Variants in APH1B observed in about 807,000 individuals in gnomAD.
APH1B encodes aph-1B gamma-secretase subunit.
APH1B carries 27 observed loss-of-function variants against 28.2 expected under a neutral mutation model. That is an observed-to-expected ratio of 0.96 (90% CI 0.70 to 1.32). APH1B has a LOEUF of 1.32. APH1B is among the 40% of genes most tolerant of loss of function. The pLI is 0.00. For synonymous variants in APH1B, 141 were observed against 124.6 expected (o/e 1.13, Z -0.88); for missense variants, 305 against 313.6 (o/e 0.97, Z 0.21).
At position 63,302,218 on chromosome 15, in the gene APH1B, T is replaced by G. The variant is rs1007850354; in HGVS notation, c.479-127T>G. The G allele has an allele frequency of 3.5e-6, 4 of 1,153,234 alleles. No individual in the cohort carries two copies. The African/African-American group carries it at 6.3e-5, about 18-fold the overall frequency. The allele number at this position is 1,153,234 out of a possible 1,614,324, so 71.4% of individuals were successfully genotyped here. A position where few individuals can be genotyped will look rare whatever the true frequency, so the allele number is the denominator to read the frequency against. On this transcript the variant is annotated intron_variant, in intron 4 of 5. Coordinates refer to ENST00000261879, the MANE Select transcript of APH1B (RefSeq NM_031301.4). Reference sequence around the variant, plus strand: ...TTTTTGAGTGTGTCAAGGCCCTGTTTCTGTCAGGTGGTGTTAAACTCTCTT... The same window carrying G: ...TTTTTGAGTGTGTCAAGGCCCTGTTGCTGTCAGGTGGTGTTAAACTCTCTT...
chr15:63,282,524 C>T (rs528763227), intron 2 of APH1B, among the ~76,000 whole-genome samples: 1 of 152,236 alleles, frequency 6.6e-6, no homozygotes, highest in African/African-American at 2.4e-5. Flanking sequence ...GCCCTTTCTG[C>T]AGTAATTTTT....
intron 5 of APH1B, 120 bp from the exon 6 acceptor site, chr15:63,305,494 C>G: frequency 8.7e-7 from 1 of 1,144,668 alleles, no homozygotes; most frequent in South Asian, 1.5e-5. Flanking sequence ...ACACATCATA[C>G]GTTTGGTGAA....
intron 1 of APH1B, 185 bp downstream of exon 1, chr15:63,277,921 A>C: frequency 1.6e-6 from 1 of 608,816 alleles, no homozygotes; most frequent in Non-Finnish European, 2.8e-6. Context: ...GAAGAAGCGC[A>C]CACTGGGGGT....
In APH1B at chr15:63,279,164, T is replaced by G. The variant is rs1787397530; in HGVS notation, c.117T>G (p.Ala39=). ...PLRIIFLIAG[A]FFWLVSLLIS... is the part of the protein sequence containing the mutation. Reference sequence around the variant, plus strand: ...CTTTTTTTCCCGTATTTTTCAGAGCTTTCTTCTGGTTGGTGTCTCTACTGA... The same window carrying G: ...CTTTTTTTCCCGTATTTTTCAGAGCGTTCTTCTGGTTGGTGTCTCTACTGA... The change falls in exon 2 of 6, where the codon GCT becomes GCG. Residue 39 remains alanine (A), a synonymous_variant. Coordinates refer to ENST00000261879, the MANE Select transcript of APH1B (RefSeq NM_031301.4). 1.3e-6 allele frequency: 2 copies of G among 1,588,540 alleles called. No homozygotes were observed. The highest frequency in any genetic ancestry group is 1.1e-5 in the South Asian group (1 of 88,886).
intron 5 of APH1B, among the ~76,000 whole-genome samples, chr15:63,303,873 C>CA (rs397854501): frequency 2.8e-5 from 1 of 35,106 alleles, no homozygotes; most frequent in Non-Finnish European, 7.0e-5. Context: ...CACACACACA[C>CA]AACACACACA....
intron 4 of APH1B, among the ~76,000 whole-genome samples, chr15:63,301,582 C>A (rs550143081): frequency 6.6e-6 from 1 of 151,848 alleles, no homozygotes; most frequent in Non-Finnish European, 1.5e-5. Flanking sequence ...AAATATTTTT[C>A]TTTTCTTTCT....
intron 4 of APH1B, among the ~76,000 whole-genome samples, chr15:63,301,627 G>A (rs2038628862): frequency 1.3e-5 from 2 of 151,776 alleles, no homozygotes; most frequent in Admixed American, 6.6e-5. Context: ...TGTTGCCGAG[G>A]CTGGAGTACA....
chr15:63,277,714 C>T lies in APH1B; in HGVS notation c.91C>T (p.Arg31Cys), dbSNP rs756180511. ...CTTCACCATCGCCACCGAGCCGTTG[C>T]GTATCATCTTCCTCATCGCCGGGTG... ...YVFTIATEPL[R>C]IIFLIAGAFF... The change falls in exon 1 of 6, where the codon CGT (arginine) becomes TGT (cysteine). Residue 31 changes from arginine (R) to cysteine (C), a missense_variant. By Grantham distance (180) the Arg-to-Cys change is radical. Transcript: ENST00000261879. The T allele has an allele frequency of 1.9e-6, 3 of 1,611,142 alleles. No individual in the cohort carries two copies. Among genetic ancestry groups the T allele is most frequent in the Admixed American group, 1.7e-5 (1 of 59,678 alleles).
intron 5 of APH1B, among the ~76,000 whole-genome samples, chr15:63,303,677 T>C (rs1022530121): frequency 6.6e-6 from 1 of 152,108 alleles, no homozygotes; most frequent in Admixed American, 6.5e-5. Flanking sequence ...TAAATTTTTT[T>C]GTAGAGATGA....
chr15:63,305,574 T>G (rs776012469), intron 5 of APH1B, 40 bp from the exon 6 acceptor site: 16 of 1,602,882 alleles, frequency 1.0e-5, no homozygotes, highest in Non-Finnish European at 1.4e-5. Context: ...TTTAATAAGC[T>G]TGCTGTTATT....
At chr15:63,278,179 C>T in intron 1 of APH1B, 2 of 396,568 alleles carry the variant, frequency 5.0e-6, no homozygotes, top group Middle Eastern at 4.5e-4. Flanking sequence ...TAAAACATGC[C>T]GATGCCCACC....
Position 63,305,724 on chromosome 15 carries a change from ACT to A in APH1B, c.720_721del (p.Cys241ProfsTer32), listed in dbSNP as rs762262533. ...AAGGSCRSLK[L>X]CLLCQDKNFL... ...CGGGAGGCAGCTGCCGAAGCCTGAA[ACT>A]CTGCCTGCTCTGCCAAGACAAGAAC... On this transcript the variant is annotated frameshift_variant, in exon 6 of 6. Coordinates refer to ENST00000261879, the MANE Select transcript of APH1B (RefSeq NM_031301.4). LOFTEE classifies it high-confidence loss of function. 7.4e-6 allele frequency: 12 copies of A among 1,614,010 alleles called. No individual in the cohort carries two copies. The highest frequency in any genetic ancestry group is 4.5e-5 in the East Asian group (2 of 44,900).
chr15:63,284,585 G>A (rs2038426769), intron 2 of APH1B, among the ~76,000 whole-genome samples: 1 of 152,150 alleles, frequency 6.6e-6, no homozygotes, highest in Non-Finnish European at 1.5e-5. Flanking sequence ...ACAAACACGG[G>A]GGGTGATGCA....
intron 4 of APH1B, among the ~76,000 whole-genome samples, chr15:63,293,973 C>A (rs987830693): frequency 2.6e-5 from 4 of 151,892 alleles, no homozygotes; most frequent in African/African-American, 7.3e-5. Context: ...CTATGTTGTC[C>A]AGGCTGGTCT....
intron 4 of APH1B, among the ~76,000 whole-genome samples, chr15:63,296,986 A>C (rs1224436573): frequency 3.9e-5 from 6 of 152,202 alleles, no homozygotes; most frequent in African/African-American, 1.2e-4. Context: ...TTTTGCTTAG[A>C]AATAGGTTAG....
rs2038422687 is a variant in APH1B, at chr15:63,284,267, GC to G, written c.285-2290del. Among the ~76,000 whole-genome samples the G allele has an allele frequency of 2.0e-5, 3 of 148,046 alleles. No individual in the cohort carries two copies. The South Asian group carries it at 6.4e-4, about 32-fold the overall frequency. On this transcript the variant is annotated intron_variant, in intron 2 of 5. Coordinates refer to ENST00000261879, the MANE Select transcript of APH1B (RefSeq NM_031301.4). ...GCCTCTCTGTTGCCCAGGCTAGAGT[GC>G]AGTGGTGCAATCTCAGCTCACTGCA...
rs2038662344 is a variant in APH1B at position 63,304,034 on chromosome 15, G to C, written c.606+1562G>C. ...ACACTCTGCCATCAGTTTACAAGTT[G>C]TGGTTCGTCCACCTCCTCACTGCAT... On this transcript the variant is annotated intron_variant, in intron 5 of 5. Coordinates refer to ENST00000261879, the MANE Select transcript of APH1B (RefSeq NM_031301.4). The surrounding 1 kb of genome is among the most constrained non-coding windows in gnomAD (Gnocchi z 5.1). Among the ~76,000 whole-genome samples, 2 of 152,142 alleles carry C rather than the reference G, an allele frequency of 1.3e-5. No individual in the cohort carries two copies. The highest frequency in any genetic ancestry group is 4.1e-4 in the South Asian group (2 of 4,826).
Position 63,277,882 on chromosome 15 carries a change from G to C in APH1B, c.113+146G>C. 1.1e-5 allele frequency: 9 copies of C among 802,446 alleles called. No homozygotes were observed. In the South Asian group the frequency reaches 1.5e-4, roughly 13 times the overall value. The allele number at this position is 802,446 out of a possible 1,614,324, so 49.7% of individuals were successfully genotyped here. ...GTTGAGAGGGGGAGAGCGGAGATCCGGCTCCCCAAAGGCGCCTCGCCCTCT... is the reference window on the plus strand; with the variant it reads ...GTTGAGAGGGGGAGAGCGGAGATCCCGCTCCCCAAAGGCGCCTCGCCCTCT... On this transcript the variant is annotated intron_variant, in intron 1 of 5. Transcript: ENST00000261879.
chr15:63,296,658 C>CTTT (rs753821606), intron 4 of APH1B, among the ~76,000 whole-genome samples: 1 of 137,442 alleles, frequency 7.3e-6, no homozygotes. Context: ...AATGTTGTTT[C>CTTT]TTTTTTTTTT....
Sources: allele counts gnomAD v4.1 joint callset (sites outside exome capture counted in the v4.1 genomes callset), GRCh38; gene constraint gnomAD v4.1.1; non-coding constraint Gnocchi (gnomAD v3.1); transcripts MANE v1.5; gene names NCBI Gene and HGNC (gene_info 2026-07-23, HGNC 2026-07-21).